The following PLEKHJ1 variants were observed in gnomAD, a reference collection of about 807,000 sequenced individuals.
PLEKHJ1 encodes pleckstrin homology domain containing J1, also known as pleckstrin homology domain-containing family J member 1.
A neutral mutation model predicts 21.7 loss-of-function variants in PLEKHJ1; 20 were observed. The ratio of observed to expected loss-of-function variants is 0.92; its 90% confidence interval spans 0.65 to 1.34. The LOEUF (loss-of-function observed/expected upper bound fraction) is 1.34, where lower values mean the gene tolerates loss of function less well. Among genes scored for constraint, PLEKHJ1 ranks in the 40% most tolerant of loss-of-function variants. The pLI is 0.00. For synonymous variants in PLEKHJ1, 113 were observed against 80.6 expected (o/e 1.40, Z -2.15); for missense variants, 241 against 202.0 (o/e 1.19, Z -1.17).
At position 2,236,270 on chromosome 19, in the gene PLEKHJ1, C is replaced by T. The variant is rs750333088; in HGVS notation, c.-22G>A. On this transcript the variant is annotated 5_prime_UTR_variant, in exon 1 of 6. Coordinates refer to ENST00000326631, the MANE Select transcript of PLEKHJ1 (RefSeq NM_018049.3). ...GCATGGCTCCGCGGGGAACGGGAACCCGGGCCGCGCCCTCCCGGCCGCCGT... is the reference window on the plus strand; with the variant it reads ...GCATGGCTCCGCGGGGAACGGGAACTCGGGCCGCGCCCTCCCGGCCGCCGT... 86 of 1,338,296 alleles carry T rather than the reference C, an allele frequency of 6.4e-5. 2 individuals are homozygous for T. The African/African-American group carries it at 1.2e-3, about 19-fold the overall frequency. 82.9% of individuals were successfully genotyped at this position (1,338,296 alleles called of 1,614,324 possible).
chr19:2,231,851 C>G, downstream of PLEKHJ1: 1 of 220,008 alleles, frequency 4.5e-6, no homozygotes, highest in Non-Finnish European at 9.1e-6. Context: ...ATGCAGGGCT[C>G]CTGCCCACGC....
downstream of PLEKHJ1, chr19:2,232,467 C>T (rs771697301): frequency 9.5e-5 from 21 of 221,384 alleles, no homozygotes; most frequent in Admixed American, 2.3e-4. Flanking sequence ...ATTTGGATTG[C>T]GCGCATTGTC....
At chr19:2,235,104 C>T (rs1335523340) in intron 3 of PLEKHJ1, 4 of 152,152 alleles carry the variant, frequency 2.6e-5, no homozygotes, top group Admixed American at 6.5e-5. Flanking sequence ...TGGGCACAGA[C>T]GTGATGCAAG....
At chr19:2,230,517 T>C (rs560997959), downstream of PLEKHJ1, 364 of 398,778 alleles carry the variant, frequency 9.1e-4, 1 homozygote, top group African/African-American at 6.8e-3. Context: ...GCGGGCACGT[T>C]GAACAAGTGC....
downstream of PLEKHJ1, chr19:2,231,309 C>G (rs2024587966): frequency 4.6e-6 from 1 of 218,946 alleles, no homozygotes; most frequent in African/African-American, 2.2e-5. Flanking sequence ...GATCCACCCT[C>G]CAGGGAGCTG....
rs747522317 is a variant in PLEKHJ1, at chr19:2,234,181, G to C, written c.289C>G (p.Gln97Glu). 3 of 1,613,028 alleles carry C rather than the reference G, an allele frequency of 1.9e-6. No individual in the cohort carries two copies. Among genetic ancestry groups the C allele is most frequent in the African/African-American group, 1.3e-5 (1 of 75,020 alleles). The change falls in exon 4 of 6, where the codon CAG becomes GAG. Residue 97 changes from glutamine to glutamate, a missense_variant. Coordinates refer to ENST00000326631, the MANE Select transcript of PLEKHJ1 (RefSeq NM_018049.3). ...HFECSSEEQC[Q>E]EWMEALRRAS... Reference sequence around the variant, plus strand: ...CGACGCAGAGCCTCCATCCACTCCTGACACTGCTCCTCGCTGCTGCACTCA... The same window carrying C: ...CGACGCAGAGCCTCCATCCACTCCTCACACTGCTCCTCGCTGCTGCACTCA...
In PLEKHJ1 at chr19:2,234,159, C is replaced by T. The variant is rs1326739929; in HGVS notation, c.311G>A (p.Arg104His). ...CACCGCCTGGCCCCACCTGGCCCGA[C>T]GCAGAGCCTCCATCCACTCCTGACA... ...EQCQEWMEAL[R>H]RASYEFMRRS... The change falls in exon 4 of 6, where the codon CGT becomes CAT. Residue 104 changes from arginine to histidine, a missense_variant. Coordinates refer to ENST00000326631, the MANE Select transcript of PLEKHJ1 (RefSeq NM_018049.3). 26 of 1,612,374 alleles carry T rather than the reference C, an allele frequency of 1.6e-5. No individual in the cohort carries two copies. The highest frequency in any genetic ancestry group is 2.2e-5 in the East Asian group (1 of 44,896).
intron 3 of PLEKHJ1, 144 bp from the exon 4 acceptor site, chr19:2,234,384 A>G (rs2024723500): frequency 3.2e-6 from 2 of 616,170 alleles, no homozygotes; most frequent in Non-Finnish European, 2.9e-6. Context: ...ATGGCCCTGT[A>G]TATAAACAGG....
At chr19:2,234,449 G>T in intron 3 of PLEKHJ1, 1 of 553,376 alleles carries the variant, frequency 1.8e-6, no homozygotes, top group Non-Finnish European at 3.2e-6. Flanking sequence ...GGTGGCTCAT[G>T]CCTATAATCC....
At chr19:2,230,729 G>A (rs2024564022), downstream of PLEKHJ1, 2 of 397,624 alleles carry the variant, frequency 5.0e-6, no homozygotes, top group Non-Finnish European at 8.8e-6. Flanking sequence ...GCACAGTGAA[G>A]AGGAAAGAAA....
rs1200908225 is a variant in PLEKHJ1 at position 2,235,994 on chromosome 19, C to A, written c.95-4G>T. The A allele has an allele frequency of 6.2e-7, 1 of 1,606,466 alleles. No individual in the cohort carries two copies. The highest frequency in any genetic ancestry group is 8.5e-7 in the Non-Finnish European group (1 of 1,177,842). Reference sequence around the variant, plus strand: ...TTCACCAGCCGCCGCTTCAGCACTGCGGGCACAGCGCGCACTCAGGGGCGC... The same window carrying A: ...TTCACCAGCCGCCGCTTCAGCACTGAGGGCACAGCGCGCACTCAGGGGCGC... On this transcript the variant is annotated splice_region_variant and splice_polypyrimidine_tract_variant and intron_variant, in intron 1 of 5. Transcript: ENST00000326631.
intron 3 of PLEKHJ1, 126 bp from the exon 4 acceptor site, chr19:2,234,366 C>T: frequency 1.5e-6 from 1 of 674,772 alleles, no homozygotes. Context: ...CCCCCAGAAC[C>T]CATGAGTATG....
chr19:2,234,271 C>A, intron 3 of PLEKHJ1, 31 bp from the exon 4 acceptor site: 2 of 1,544,100 alleles, frequency 1.3e-6, no homozygotes, highest in South Asian at 2.2e-5. Flanking sequence ...GTCGGTCCTA[C>A]CCACAGCCAC....
chr19:2,235,980 C>T lies in PLEKHJ1; in HGVS notation c.105G>A (p.Arg35=). Residue 35 remains arginine, a synonymous_variant, in exon 2 of 6, where the codon CGG becomes CGA. Transcript: ENST00000326631. Reference sequence around the variant, plus strand: ...AATTCACCACCAGCTTCACCAGCCGCCGCTTCAGCACTGCGGGCACAGCGC... The same window carrying T: ...AATTCACCACCAGCTTCACCAGCCGTCGCTTCAGCACTGCGGGCACAGCGC... The part of the protein sequence containing the change: ...RGPKKGSVLK[R]RLVKLVVNFL... 1 of 1,610,548 alleles carries T rather than the reference C, an allele frequency of 6.2e-7. No homozygotes were observed. The highest frequency in any genetic ancestry group is 8.5e-7 in the Non-Finnish European group (1 of 1,179,050).
chr19:2,236,110 G>A (rs2024805332), intron 1 of PLEKHJ1, 45 bp downstream of exon 1: 13 of 1,415,354 alleles, frequency 9.2e-6, no homozygotes, highest in Middle Eastern at 2.5e-4. Flanking sequence ...CCCGGCCCCG[G>A]CCTCCCGCCC....
chr19:2,235,754 C>A lies in PLEKHJ1; in HGVS notation c.229+8G>T. ...GGAAGCGCCGCTGGCTTCCCTAGCC[C>A]CACTCACTGATGGAGAAGGTGCCGG... On this transcript the variant is annotated splice_region_variant and intron_variant, in intron 3 of 5. Transcript: ENST00000326631. The A allele has an allele frequency of 6.5e-7, 1 of 1,548,016 alleles. No individual in the cohort carries two copies. Among genetic ancestry groups the A allele is most frequent in the Non-Finnish European group, 8.7e-7 (1 of 1,146,068 alleles).
At chr19:2,230,405 G>A (rs1015075387), downstream of PLEKHJ1, 7 of 402,600 alleles carry the variant, frequency 1.7e-5, no homozygotes, top group Middle Eastern at 1.3e-3. Flanking sequence ...TGAACCCCCA[G>A]ACTGTTCACC....
downstream of PLEKHJ1, chr19:2,232,297 C>G (rs1287575483): frequency 4.6e-6 from 1 of 215,884 alleles, no homozygotes; most frequent in Non-Finnish European, 9.3e-6. Flanking sequence ...ATTTATCTGC[C>G]CCCAGGATGC....
At chr19:2,230,015 T>C, downstream of PLEKHJ1, 2 of 707,492 alleles carry the variant, frequency 2.8e-6, no homozygotes, top group Non-Finnish European at 4.6e-6. Context: ...TTTTAAAAAG[T>C]ATAAACAATT....
Sources: allele counts gnomAD v4.1 joint callset, GRCh38; gene constraint gnomAD v4.1.1; transcripts MANE v1.5; gene names NCBI Gene and HGNC (gene_info 2026-07-23, HGNC 2026-07-21).